PHOSPHO2: variants seen among roughly 807,000 people sequenced by gnomAD.
PHOSPHO2 encodes phosphatase, orphan 2, also known as pyridoxal phosphate phosphatase PHOSPHO2.
Under a neutral mutation model 16.4 loss-of-function variants are expected in PHOSPHO2, and 14 were observed. The observed-to-expected ratio is 0.85, with a 90% CI of 0.56 to 1.33. The LOEUF (loss-of-function observed/expected upper bound fraction) is 1.33. PHOSPHO2 is among the 40% of genes most tolerant of loss of function. The probability of loss-of-function intolerance (pLI) is 0.00; values close to 1 mark genes in which losing one functional copy is unlikely to be tolerated. For missense variants in PHOSPHO2, 246 were observed against 282.5 expected (o/e 0.87, Z 0.93); for synonymous variants, 85 against 90.5 (o/e 0.94, Z 0.34).
chr2:169,696,234 T>C (rs1010067214), intron 2 of PHOSPHO2, among the ~76,000 whole-genome samples: 2 of 152,214 alleles, frequency 1.3e-5, no homozygotes, highest in East Asian at 3.8e-4. Context: ...CACTCTTTTA[T>C]TTCTTTGTTG....
At chr2:169,696,630 A>G (rs928401983) in intron 2 of PHOSPHO2, among the ~76,000 whole-genome samples, 3 of 152,260 alleles carry the variant, frequency 2.0e-5, no homozygotes, top group Non-Finnish European at 4.4e-5. Context: ...CCAAATAGAC[A>G]TAGATTGTGC....
At chr2:169,696,536 C>A (rs1334972854) in intron 2 of PHOSPHO2, among the ~76,000 whole-genome samples, 1 of 152,142 alleles carries the variant, frequency 6.6e-6, no homozygotes, top group Non-Finnish European at 1.5e-5. Context: ...TTTCCCAATT[C>A]TTGGATGTCT....
Position 169,701,202 on chromosome 2 carries a change from G to T in PHOSPHO2, c.231G>T (p.Gly77=). The change falls in exon 4 of 4, where the codon GGG becomes GGT. Residue 77 remains glycine (G), a synonymous_variant. Transcript: ENST00000359744. The part of the protein sequence containing the change: ...RAVTSLPFTP[G]MVELFNFIRK... ...TGACATCATTGCCTTTCACTCCAGG[G>T]ATGGTGGAACTCTTCAACTTTATAA... The T allele has an allele frequency of 6.2e-7, 1 of 1,614,048 alleles. No homozygotes were observed. Among genetic ancestry groups the T allele is most frequent in the South Asian group, 1.1e-5 (1 of 91,070 alleles).
rs780431807 is a variant in PHOSPHO2, at chr2:169,701,323, T to C, written c.352T>C (p.Phe118Leu). 2.5e-6 allele frequency: 4 copies of C among 1,612,608 alleles called. No homozygotes were observed. The African/African-American group carries it at 5.3e-5, about 22-fold the overall frequency. Residue 118 changes from phenylalanine to leucine, a missense_variant, in exon 4 of 4, where the codon TTT becomes CTT. Phe to Leu is a conservative substitution (Grantham distance 22). Coordinates refer to ENST00000359744, the MANE Select transcript of PHOSPHO2 (RefSeq NM_001008489.4). ...VLEAASFHDI[F>L]DKVFTNPAAF... The stretch of plus-strand genomic sequence containing the variant: ...AGAAGCTGCCAGTTTTCATGACATA[T>C]TTGATAAAGTGTTTACAAATCCAGC...
Position 169,701,234 on chromosome 2 carries a change from A to G in PHOSPHO2, c.263A>G (p.Asn88Ser). The change falls in exon 4 of 4, where the codon AAT becomes AGT. Residue 88 changes from asparagine to serine, a missense_variant. Coordinates refer to ENST00000359744, the MANE Select transcript of PHOSPHO2 (RefSeq NM_001008489.4). The stretch of plus-strand genomic sequence containing the variant: ...GAACTCTTCAACTTTATAAGAAAGA[A>G]TAAGGATAAATTTGACTGCATTATT... Reference protein sequence around the residue: ...MVELFNFIRKNKDKFDCIIIS... With the variant: ...MVELFNFIRKSKDKFDCIIIS... 2.5e-6 allele frequency: 4 copies of G among 1,614,036 alleles called. No homozygotes were observed. The South Asian group carries it at 4.4e-5, about 18-fold the overall frequency.
At chr2:169,697,202 A>G (rs1687574645) in intron 2 of PHOSPHO2, among the ~76,000 whole-genome samples, 159 bp from the exon 3 acceptor site, 1 of 152,066 alleles carries the variant, frequency 6.6e-6, no homozygotes, top group Non-Finnish European at 1.5e-5. Context: ...TTTTTAGTAG[A>G]GATGGGGTTT....
In PHOSPHO2 at chr2:169,701,609, A is replaced by C. The variant is rs775325205; in HGVS notation, c.638A>C (p.Gln213Pro). ...CAGAAAACTCTTTCCAGAATGTCTC[A>C]AAATCTTGAGCCTATGGAATATTCT... Reference protein sequence around the residue: ...TLQKTLSRMSQNLEPMEYSVV... With the variant: ...TLQKTLSRMSPNLEPMEYSVV... Residue 213 changes from glutamine (Q) to proline (P), a missense_variant, in exon 4 of 4, where the codon CAA (glutamine) becomes CCA (proline). By Grantham distance (76) the Gln-to-Pro change is moderately conservative. Coordinates refer to ENST00000359744, the MANE Select transcript of PHOSPHO2 (RefSeq NM_001008489.4). 12 of 1,607,018 alleles carry C rather than the reference A, an allele frequency of 7.5e-6. No individual in the cohort carries two copies. In the African/African-American group the frequency reaches 1.5e-4, roughly 20 times the overall value.
intron 3 of PHOSPHO2, among the ~76,000 whole-genome samples, chr2:169,699,211 C>G (rs1351811346): frequency 7.3e-6 from 1 of 137,178 alleles, no homozygotes; most frequent in East Asian, 2.4e-4. Context: ...GTATGTTATT[C>G]CCTTCCACGT....
chr2:169,697,046 C>T (rs748909618), intron 2 of PHOSPHO2, among the ~76,000 whole-genome samples: 3 of 148,870 alleles, frequency 2.0e-5, no homozygotes, highest in African/African-American at 5.0e-5. Flanking sequence ...CACGGAGTCT[C>T]GCTCTGTTGC....
At chr2:169,700,863 A>T (rs540606887) in intron 3 of PHOSPHO2, 83 bp from the exon 4 acceptor site, 12 of 1,304,674 alleles carry the variant, frequency 9.2e-6, no homozygotes, top group Non-Finnish European at 1.2e-5. Context: ...GCAGATTAAC[A>T]TTTAGTTATG....
chr2:169,699,372 C>T (rs955009683), intron 3 of PHOSPHO2, among the ~76,000 whole-genome samples: 20 of 152,200 alleles, frequency 1.3e-4, no homozygotes, highest in Admixed American at 5.2e-4. Context: ...TTTATAGCTG[C>T]ATAATATTCC....
rs76102705 is a variant in PHOSPHO2, at chr2:169,694,539, A to G, written c.-314A>G. 69,753 of 621,024 alleles carry G rather than the reference A, an allele frequency of 0.11. 4,515 individuals are homozygous for G. Among genetic ancestry groups the G allele is most frequent in the Middle Eastern group, 0.16 (366 of 2,292 alleles). The allele number at this position is 621,024 out of a possible 1,614,324, so 38.5% of individuals were successfully genotyped here. On this transcript the variant is annotated 5_prime_UTR_variant, in exon 1 of 4. Coordinates refer to ENST00000359744, the MANE Select transcript of PHOSPHO2 (RefSeq NM_001008489.4). Reference sequence around the variant, plus strand: ...GCTGGGCTTGTGAGTGGGGCTGCCGAGAGGGCAGGCGTGGGGCGAGGCCAA... The same window carrying G: ...GCTGGGCTTGTGAGTGGGGCTGCCGGGAGGGCAGGCGTGGGGCGAGGCCAA...
intron 1 of PHOSPHO2, 139 bp downstream of exon 1, chr2:169,694,761 C>T (rs1476610901): frequency 7.0e-6 from 2 of 285,858 alleles, no homozygotes; most frequent in African/African-American, 4.3e-5. Flanking sequence ...CGCGCGAGGC[C>T]TAGGCGTGGT....
At position 169,701,626 on chromosome 2, in the gene PHOSPHO2, G is replaced by A. The variant is rs766325315; in HGVS notation, c.655G>A (p.Glu219Lys). The change falls in exon 4 of 4, where the codon GAA (glutamate) becomes AAA (lysine). Residue 219 changes from glutamate (E) to lysine (K), a missense_variant. Coordinates refer to ENST00000359744, the MANE Select transcript of PHOSPHO2 (RefSeq NM_001008489.4). ...AATGTCTCAAAATCTTGAGCCTATG[G>A]AATATTCTGTTGTAGTTTGGTCCTC... Reference protein sequence around the residue: ...SRMSQNLEPMEYSVVVWSSGV... With the variant: ...SRMSQNLEPMKYSVVVWSSGV... 2.0e-5 allele frequency: 32 copies of A among 1,601,884 alleles called. No homozygotes were observed. The highest frequency in any genetic ancestry group is 2.5e-5 in the Non-Finnish European group (29 of 1,178,024).
Position 169,694,608 on chromosome 2 carries a change from C to T in PHOSPHO2, c.-245C>T, listed in dbSNP as rs987016505. 1.9e-6 allele frequency: 1 copy of T among 538,476 alleles called. No homozygotes were observed. The highest frequency in any genetic ancestry group is 3.4e-6 in the Non-Finnish European group (1 of 296,886). The allele number at this position is 538,476 out of a possible 1,614,324, so 33.4% of individuals were successfully genotyped here. On this transcript the variant is annotated 5_prime_UTR_variant, in exon 1 of 4. Coordinates refer to ENST00000359744, the MANE Select transcript of PHOSPHO2 (RefSeq NM_001008489.4). ...GCGTCACGGGCGCCGGGGCGGCTGC[C>T]GACGGCGGGACTGGGTCAGTGAGAA...
chr2:169,701,475 A>G lies in PHOSPHO2; in HGVS notation c.504A>G (p.Gly168=), dbSNP rs1025285482. ...TTGTAGATAAACAGTTACAACAGGG[A>G]GTGAATTATACACAAATTGTTTATA... The part of the protein sequence containing the change: ...IEFVDKQLQQ[G]VNYTQIVYIG... Residue 168 remains glycine (G), a synonymous_variant, in exon 4 of 4, where the codon GGA becomes GGG. Coordinates refer to ENST00000359744, the MANE Select transcript of PHOSPHO2 (RefSeq NM_001008489.4). 5.6e-6 allele frequency: 9 copies of G among 1,612,746 alleles called. No individual in the cohort carries two copies. The highest frequency in any genetic ancestry group is 7.6e-6 in the Non-Finnish European group (9 of 1,179,648).
intron 3 of PHOSPHO2, among the ~76,000 whole-genome samples, chr2:169,700,031 G>A (rs1163521797): frequency 6.6e-6 from 1 of 152,068 alleles, no homozygotes; most frequent in Non-Finnish European, 1.5e-5. Context: ...CAGTGACATC[G>A]ATGCCTTTCA....
In PHOSPHO2 at chr2:169,701,248, G is replaced by C; in HGVS notation, c.277G>C (p.Asp93His). Reference protein sequence around the residue: ...NFIRKNKDKFDCIIISDSNSV... With the variant: ...NFIRKNKDKFHCIIISDSNSV... ...TATAAGAAAGAATAAGGATAAATTT[G>C]ACTGCATTATTATTTCAGATTCAAA... Residue 93 changes from aspartate to histidine, a missense_variant, in exon 4 of 4, where the codon GAC becomes CAC. Physicochemically the swap from Asp to His is moderately conservative, Grantham distance 81. Transcript: ENST00000359744. 6.2e-7 allele frequency: 1 copy of C among 1,613,844 alleles called. No homozygotes were observed. The highest frequency in any genetic ancestry group is 8.5e-7 in the Non-Finnish European group (1 of 1,179,950).
chr2:169,701,513 G>T lies in PHOSPHO2; in HGVS notation c.542G>T (p.Gly181Val). The T allele has an allele frequency of 6.2e-7, 1 of 1,613,606 alleles. No individual in the cohort carries two copies. Residue 181 changes from glycine to valine, a missense_variant, in exon 4 of 4, where the codon GGA (glycine) becomes GTA (valine). Coordinates refer to ENST00000359744, the MANE Select transcript of PHOSPHO2 (RefSeq NM_001008489.4). ...CAAATTGTTTATATTGGTGATGGTGGAAATGATGTCTGTCCAGTCACCTTT... is the reference window on the plus strand; with the variant it reads ...CAAATTGTTTATATTGGTGATGGTGTAAATGATGTCTGTCCAGTCACCTTT... ...YTQIVYIGDG[G>V]NDVCPVTFLK...
Sources: gnomAD v4.1 joint callset for allele counts (sites outside exome capture counted in the v4.1 genomes callset) on GRCh38, gnomAD v4.1.1 for gene constraint, MANE v1.5 for transcripts, NCBI Gene and HGNC (gene_info 2026-07-23, HGNC 2026-07-21) for gene names.